CEP192: variants seen among roughly 807,000 people sequenced by gnomAD.
CEP192 encodes the protein centrosomal protein 192, also known as centrosomal protein of 192 kDa.
A neutral mutation model predicts 271.8 loss-of-function variants in CEP192; 151 were observed. The observed-to-expected ratio is 0.56, with a 90% confidence interval of 0.49 to 0.64. The LOEUF is 0.64. Among genes scored for constraint, CEP192 ranks in the 30% least tolerant of loss-of-function variants. The pLI, the probability that CEP192 is intolerant of heterozygous loss-of-function variation, is 0.00. For synonymous variants in CEP192, 995 were observed against 1,076.5 expected (o/e 0.92, Z 1.48); for missense variants, 2,910 against 3,020.5 (o/e 0.96, Z 0.86).
chr18:13,062,037 G>A (rs1004457934), intron 21 of CEP192, among the ~76,000 whole-genome samples: 2 of 152,142 alleles, frequency 1.3e-5, no homozygotes, highest in Non-Finnish European at 2.9e-5. Flanking sequence ...GCTGTGTCCC[G>A]AGCGGCTCAC....
rs536410109 is a variant in CEP192 at position 13,063,537 on chromosome 18, A to T, written c.4488+4225A>T. On this transcript the variant is annotated intron_variant, in intron 21 of 44. Coordinates refer to ENST00000506447, the MANE Select transcript of CEP192 (RefSeq NM_032142.4). ...CTTCCTTTGAGAAATGTCTATTCAA[A>T]TATTTTGCCCAGTTTTTGATTGGAT... Among the ~76,000 whole-genome samples, 145 of 152,282 alleles carry T rather than the reference A, an allele frequency of 9.5e-4. 1 individual carries two copies. The highest frequency in any genetic ancestry group is 1.8e-3 in the Non-Finnish European group (122 of 68,018).
At chr18:13,011,002 G>A (rs960454402) in intron 4 of CEP192, among the ~76,000 whole-genome samples, 1 of 152,018 alleles carries the variant, frequency 6.6e-6, no homozygotes, top group African/African-American at 2.4e-5. Flanking sequence ...CGAGGTGAGC[G>A]GATCATTTGA....
At chr18:12,993,330 C>A (rs761679368) in intron 1 of CEP192, among the ~76,000 whole-genome samples, 93 of 152,024 alleles carry the variant, frequency 6.1e-4, no homozygotes, top group Non-Finnish European at 1.0e-3. Flanking sequence ...TGTCAGAGAG[C>A]CATTTGGAAG....
chr18:13,109,556 A>G (rs487399), intron 40 of CEP192, among the ~76,000 whole-genome samples: 69,527 of 151,908 alleles, frequency 0.46, 16,017 homozygotes, highest in Middle Eastern at 0.51. Context: ...AGGAAAACGG[A>G]ACAACAATAA....
At chr18:13,010,338 G>T (rs1326470395) in intron 4 of CEP192, among the ~76,000 whole-genome samples, 1 of 152,004 alleles carries the variant, frequency 6.6e-6, no homozygotes, top group Non-Finnish European at 1.5e-5. Context: ...TACTCAAAAG[G>T]ACTTGCCTGA....
chr18:12,999,529 T>C lies in CEP192; in HGVS notation c.105T>C (p.Asn35=). ...GILENVTLSS[N]LGLPVAVSTL... is the part of the protein sequence containing the mutation. ...TGGAAAATGTCACTCTTTCTTCAAA[T>C]CTTGGCTTGCCTGTTGCTGTTTCTA... The change falls in exon 2 of 45, where the codon AAT becomes AAC. Residue 35 remains asparagine (N), a synonymous_variant. Transcript: ENST00000506447. 1 of 1,551,112 alleles carries C rather than the reference T, an allele frequency of 6.4e-7. No homozygotes were observed. The highest frequency in any genetic ancestry group is 8.7e-7 in the Non-Finnish European group (1 of 1,146,794).
Position 13,049,755 on chromosome 18 carries a change from T to C in CEP192, c.2891-10T>C, listed in dbSNP as rs556303722. 8.1e-6 allele frequency: 13 copies of C among 1,609,362 alleles called. No homozygotes were observed. In the South Asian group the frequency reaches 1.3e-4, roughly 17 times the overall value. ...TTCTCTTCTTACTGGAAAATACCCC[T>C]TTCTGATAGATTTGAAAAATACCTC... On this transcript the variant is annotated splice_polypyrimidine_tract_variant and intron_variant, in intron 16 of 44. Transcript: ENST00000506447.
chr18:13,008,728 G>A, intron 4 of CEP192, 97 bp downstream of exon 4: 2 of 955,186 alleles, frequency 2.1e-6, no homozygotes, highest in South Asian at 1.8e-5. Context: ...TTTGAGGCAG[G>A]GTCGCACTCC....
intron 15 of CEP192, among the ~76,000 whole-genome samples, chr18:13,044,624 A>G (rs191572857): frequency 4.6e-5 from 7 of 152,318 alleles, no homozygotes; most frequent in Admixed American, 4.6e-4. Flanking sequence ...TTTGAATATT[A>G]AACTATTCTT....
chr18:13,002,089 G>A (rs139036277), intron 3 of CEP192, among the ~76,000 whole-genome samples: 1 of 152,036 alleles, frequency 6.6e-6, no homozygotes, highest in Non-Finnish European at 1.5e-5. Context: ...TAAAAGTAAC[G>A]TGCTTTTGAA....
intron 33 of CEP192, among the ~76,000 whole-genome samples, chr18:13,090,706 A>G (rs970090174): frequency 6.6e-6 from 1 of 152,196 alleles, no homozygotes; most frequent in Admixed American, 6.5e-5. Flanking sequence ...GGACCAGAGC[A>G]AAGGAAAAAA....
At chr18:13,037,751 T>C (rs988644502) in intron 12 of CEP192, among the ~76,000 whole-genome samples, 1 of 152,118 alleles carries the variant, frequency 6.6e-6, no homozygotes, top group African/African-American at 2.4e-5. Context: ...GATGGAGGCT[T>C]GTTACGTTGC....
chr18:13,102,303 A>G (rs892269792), intron 38 of CEP192, among the ~76,000 whole-genome samples: 1 of 148,884 alleles, frequency 6.7e-6, no homozygotes, highest in African/African-American at 2.5e-5. Context: ...TCTGCCTGGA[A>G]CCAGGCCTGT....
intron 15 of CEP192, among the ~76,000 whole-genome samples, chr18:13,047,300 T>A (rs2036537657): frequency 6.6e-6 from 1 of 152,132 alleles, no homozygotes; most frequent in African/African-American, 2.4e-5. Context: ...GGTGTATCCC[T>A]TTGTGGTCTC....
At position 13,048,842 on chromosome 18, in the gene CEP192, A is replaced by C; in HGVS notation, c.2068-17A>C. The C allele has an allele frequency of 6.6e-7, 1 of 1,515,734 alleles. No homozygotes were observed. Among genetic ancestry groups the C allele is most frequent in the East Asian group, 2.3e-5 (1 of 43,914 alleles). 93.9% of individuals were successfully genotyped at this position (1,515,734 alleles called of 1,614,324 possible). On this transcript the variant is annotated splice_polypyrimidine_tract_variant and intron_variant, in intron 15 of 44. Transcript: ENST00000506447. Reference sequence around the variant, plus strand: ...ACTGGGGTAAATTTATCTGATGTTTAATTTTCTCACTTCTAGGACACTTTC... The same window carrying C: ...ACTGGGGTAAATTTATCTGATGTTTCATTTTCTCACTTCTAGGACACTTTC...
At chr18:12,993,421 T>G (rs2033004655) in intron 1 of CEP192, among the ~76,000 whole-genome samples, 1 of 152,206 alleles carries the variant, frequency 6.6e-6, no homozygotes, top group Admixed American at 6.5e-5. Flanking sequence ...CTCTGGATGC[T>G]CAAGTTCCTT....
chr18:13,025,483 C>T (rs2143400598), intron 9 of CEP192, among the ~76,000 whole-genome samples: 1 of 152,294 alleles, frequency 6.6e-6, no homozygotes, highest in African/African-American at 2.4e-5. Context: ...TCCTGAAGTG[C>T]TGGGATTACA....
chr18:12,996,518 T>A (rs912917822), intron 1 of CEP192, among the ~76,000 whole-genome samples: 19 of 152,166 alleles, frequency 1.2e-4, no homozygotes, highest in African/African-American at 4.1e-4. Flanking sequence ...AGGCCCAAGA[T>A]GGAGGTGTAC....
At chr18:13,027,236 G>A (rs1019730125) in intron 9 of CEP192, among the ~76,000 whole-genome samples, 8 of 152,066 alleles carry the variant, frequency 5.3e-5, no homozygotes, top group East Asian at 1.9e-4. Flanking sequence ...GTTTTCTTGA[G>A]GTTTGTTCTT....
Sources: gnomAD v4.1 joint callset for allele counts (sites outside exome capture counted in the v4.1 genomes callset) on GRCh38, gnomAD v4.1.1 for gene constraint, MANE v1.5 for transcripts, NCBI Gene and HGNC (gene_info 2026-07-23, HGNC 2026-07-21) for gene names.